Variants in FHIT observed in about 807,000 individuals in gnomAD.
FHIT encodes bis(5'-adenosyl)-triphosphatase.
A neutral mutation model predicts 17.9 loss-of-function variants in FHIT; 19 were observed. That is an observed-to-expected ratio of 1.06 (90% confidence interval 0.74 to 1.56). FHIT has a LOEUF of 1.56. Ranked by LOEUF, FHIT falls within the 40% of genes most tolerant of loss-of-function variation. The pLI, the probability that FHIT is intolerant of heterozygous loss-of-function variation, is 0.00. For missense variants in FHIT, 248 were observed against 189.2 expected (o/e 1.31, Z -1.82); for synonymous variants, 81 against 69.7 (o/e 1.16, Z -0.81).
chr3:61,054,567 T>C (rs1023535296), intron 2 of FHIT, among the ~76,000 whole-genome samples: 2 of 152,178 alleles, frequency 1.3e-5, no homozygotes, highest in African/African-American at 4.8e-5. Context: ...TGTTTTTGAT[T>C]TGTGACTCAT....
chr3:61,164,683 AGTTT>A (rs2037786459), intron 2 of FHIT, among the ~76,000 whole-genome samples: 1 of 152,082 alleles, frequency 6.6e-6, no homozygotes, highest in Non-Finnish European at 1.5e-5. Context: ...TATATAGGCA[AGTTT>A]GTTACCTGAG....
At chr3:59,893,337 T>A (rs992993496) in intron 8 of FHIT, among the ~76,000 whole-genome samples, 3 of 152,162 alleles carry the variant, frequency 2.0e-5, no homozygotes, top group Non-Finnish European at 4.4e-5. Context: ...GGGAAATGCA[T>A]CTCCCTTCAG....
At chr3:60,474,624 C>G (rs1461605956) in intron 5 of FHIT, among the ~76,000 whole-genome samples, 1 of 150,668 alleles carries the variant, frequency 6.6e-6, no homozygotes, top group Non-Finnish European at 1.5e-5. Flanking sequence ...CAACACAATA[C>G]AATTTTTTTT....
intron 7 of FHIT, among the ~76,000 whole-genome samples, chr3:59,968,268 T>C (rs1019917762): frequency 5.9e-5 from 9 of 152,054 alleles, no homozygotes; most frequent in African/African-American, 9.7e-5. Flanking sequence ...GGTGATGAAA[T>C]CATACAGTTT....
intron 5 of FHIT, among the ~76,000 whole-genome samples, chr3:60,456,277 C>T (rs1252973287): frequency 3.3e-5 from 5 of 152,204 alleles, no homozygotes; most frequent in Non-Finnish European, 5.9e-5. Context: ...TCCCAGATAT[C>T]TGAAATGATG....
In FHIT at chr3:60,955,611, T is replaced by TATATATATACATATATATATATAC. The variant is rs1709095850; in HGVS notation, c.-111+86435_-111+86436insGTATATATATATATGTATATATAT. ...GCATATATATACATATATATATATA[T>TATATATATACATATATATATATAC]ATATATATATATATATATATATACA... is the stretch of plus-strand genomic sequence containing the variant. On this transcript the variant is annotated intron_variant, in intron 3 of 9. Transcript: ENST00000492590. Among the ~76,000 whole-genome samples the TATATATATACATATATATATATAC allele has an allele frequency of 2.0e-3, 34 of 16,876 alleles. 1 individual carries two copies. Among genetic ancestry groups the TATATATATACATATATATATATAC allele is most frequent in the South Asian group, 7.3e-3 (3 of 412 alleles). 11.1% of individuals were successfully genotyped at this position (16,876 alleles called of 152,430 possible). A position where few individuals can be genotyped will look rare whatever the true frequency, so the allele number is the denominator to read the frequency against.
At chr3:60,822,306 T>C (rs1553739617) in intron 3 of FHIT, among the ~76,000 whole-genome samples, 1 of 152,188 alleles carries the variant, frequency 6.6e-6, no homozygotes, top group Non-Finnish European at 1.5e-5. Context: ...TTCAGCCACA[T>C]CATCTGATCC....
intron 5 of FHIT, among the ~76,000 whole-genome samples, chr3:60,167,624 T>C (rs1701233362): frequency 6.6e-6 from 1 of 152,252 alleles, no homozygotes; most frequent in Non-Finnish European, 1.5e-5. Flanking sequence ...TATCTGTGAA[T>C]GAACTGCACA....
intron 2 of FHIT, among the ~76,000 whole-genome samples, chr3:61,105,820 T>G (rs191888747): frequency 2.6e-5 from 4 of 152,344 alleles, no homozygotes; most frequent in Non-Finnish European, 5.9e-5. Context: ...TACTGGAGAA[T>G]TGCAGAATAA....
At chr3:61,175,388 C>T (rs539172060) in intron 2 of FHIT, among the ~76,000 whole-genome samples, 1 of 152,208 alleles carries the variant, frequency 6.6e-6, no homozygotes, top group Admixed American at 6.5e-5. Flanking sequence ...TTGACCACCT[C>T]CCCCATCAAA....
chr3:60,161,694 C>A (rs1433143487), intron 5 of FHIT, among the ~76,000 whole-genome samples: 4 of 151,996 alleles, frequency 2.6e-5, no homozygotes, highest in Non-Finnish European at 5.9e-5. Flanking sequence ...GAAAAAAAAA[C>A]CCAGAACCAA....
At chr3:60,054,092 G>A (rs1408627503) in intron 5 of FHIT, among the ~76,000 whole-genome samples, 1 of 152,138 alleles carries the variant, frequency 6.6e-6, no homozygotes. Flanking sequence ...TTCTAAATAT[G>A]AGCTATGATA....
intron 5 of FHIT, among the ~76,000 whole-genome samples, chr3:60,170,588 A>C (rs1701374097): frequency 1.3e-5 from 2 of 152,298 alleles, no homozygotes; most frequent in South Asian, 2.1e-4. Context: ...ATTATTGTTC[A>C]ATAATTTTTT....
At chr3:59,794,295 G>A (rs1699690107) in intron 8 of FHIT, among the ~76,000 whole-genome samples, 1 of 152,142 alleles carries the variant, frequency 6.6e-6, no homozygotes, top group Non-Finnish European at 1.5e-5. Flanking sequence ...GCCTCCTTCT[G>A]AAATGGCACC....
chr3:60,033,803 T>C (rs530639132), intron 5 of FHIT, among the ~76,000 whole-genome samples: 2 of 152,178 alleles, frequency 1.3e-5, no homozygotes, highest in African/African-American at 4.8e-5. Context: ...GGATAATGCA[T>C]TGGGTACAGT....
chr3:59,791,829 G>A (rs1454948961), intron 8 of FHIT, among the ~76,000 whole-genome samples: 1 of 152,124 alleles, frequency 6.6e-6, no homozygotes, highest in African/African-American at 2.4e-5. Context: ...CATAGAAGAA[G>A]GAAGACCTCA....
intron 7 of FHIT, among the ~76,000 whole-genome samples, chr3:59,953,005 T>A (rs6789228): frequency 0.011 from 1,647 of 151,948 alleles, 31 homozygotes; most frequent in African/African-American, 0.038. Context: ...CATGTCTGCT[T>A]GTGTCTGTCT....
chr3:61,163,888 T>G (rs1003984761), intron 2 of FHIT, among the ~76,000 whole-genome samples: 2 of 152,234 alleles, frequency 1.3e-5, no homozygotes, highest in Admixed American at 1.3e-4. Flanking sequence ...TTAATCTTTC[T>G]TTTGTTATAG....
chr3:60,164,868 C>T (rs897994619), intron 5 of FHIT, among the ~76,000 whole-genome samples: 1 of 152,158 alleles, frequency 6.6e-6, no homozygotes, highest in African/African-American at 2.4e-5. Flanking sequence ...CAGTCCAAAT[C>T]TCCATTCTTC....
Sources: allele counts gnomAD v4.1 joint callset (sites outside exome capture counted in the v4.1 genomes callset), GRCh38; gene constraint gnomAD v4.1.1; transcripts MANE v1.5; gene names NCBI Gene and HGNC (gene_info 2026-07-23, HGNC 2026-07-21).